TEC: variants seen among roughly 807,000 people sequenced by gnomAD.
TEC encodes the protein tyrosine-protein kinase Tec.
A neutral mutation model predicts 93.0 loss-of-function variants in TEC; 72 were observed. The observed-to-expected ratio is 0.77, with a 90% CI of 0.64 to 0.94. The LOEUF is 0.94. Ranked by LOEUF, TEC falls within the 40% of genes least tolerant of loss-of-function variation. The probability of loss-of-function intolerance (pLI) is 0.00; values close to 1 mark genes in which losing one functional copy is unlikely to be tolerated. For missense variants in TEC, 630 were observed against 757.9 expected (o/e 0.83, Z 1.98); for synonymous variants, 249 against 247.7 (o/e 1.01, Z -0.05).
At position 48,176,107 on chromosome 4, in the gene TEC, G is replaced by A; in HGVS notation, c.218C>T (p.Pro73Leu). Residue 73 changes from proline to leucine, a missense_variant, in exon 3 of 18, where the codon CCC becomes CTC. Around this residue, in one of 3 missense-constraint regions of TEC, gnomAD observed 335 missense variants for 351.5 expected, o/e 0.95. Coordinates refer to ENST00000381501, the MANE Select transcript of TEC (RefSeq NM_003215.3). ...EIVKNDDGVIPCQNKYPFQVV... is the reference protein window; with the variant it reads ...EIVKNDDGVILCQNKYPFQVV... ...CTGAAATGGATACTTATTTTGACAG[G>A]GAATGACACCATCATCATTCTTCAC... The A allele has an allele frequency of 6.2e-7, 1 of 1,613,346 alleles. No individual in the cohort carries two copies. The highest frequency in any genetic ancestry group is 8.5e-7 in the Non-Finnish European group (1 of 1,179,538).
chr4:48,226,551 CT>C (rs1560417168), intron 2 of TEC, among the ~76,000 whole-genome samples: 1 of 152,076 alleles, frequency 6.6e-6, no homozygotes, highest in Non-Finnish European at 1.5e-5. Flanking sequence ...TCTATTTTCT[CT>C]TTTTTATGAT....
intron 1 of TEC, among the ~76,000 whole-genome samples, chr4:48,239,981 AGT>A (rs5858109): frequency 0.4 from 59,820 of 149,336 alleles, 12,095 homozygotes; most frequent in African/African-American, 0.49. Context: ...TTGCTCTGTG[AGT>A]GTGTGTGTGT....
At chr4:48,235,112 AG>A (rs1723750539) in intron 1 of TEC, among the ~76,000 whole-genome samples, 1 of 152,114 alleles carries the variant, frequency 6.6e-6, no homozygotes, top group Non-Finnish European at 1.5e-5. Context: ...AAGTTACTTC[AG>A]GTTACTTTTT....
intron 2 of TEC, among the ~76,000 whole-genome samples, chr4:48,227,889 C>G (rs1723525822): frequency 6.6e-6 from 1 of 152,116 alleles, no homozygotes; most frequent in African/African-American, 2.4e-5. Flanking sequence ...GAAGCTAAAG[C>G]CACCCACAAG....
chr4:48,225,214 T>C (rs1245071236), intron 2 of TEC, among the ~76,000 whole-genome samples: 2 of 152,124 alleles, frequency 1.3e-5, no homozygotes, highest in African/African-American at 4.8e-5. Context: ...CTCGCTCTGT[T>C]ACCCAGGCTG....
chr4:48,250,292 G>A (rs1031829560), intron 1 of TEC, among the ~76,000 whole-genome samples: 9 of 152,146 alleles, frequency 5.9e-5, no homozygotes, highest in African/African-American at 2.2e-4. Flanking sequence ...TCATCAGCAT[G>A]TTCTTTGGAC....
At chr4:48,180,152 T>C (rs1577727685) in intron 2 of TEC, among the ~76,000 whole-genome samples, 1 of 152,284 alleles carries the variant, frequency 6.6e-6, no homozygotes, top group South Asian at 2.1e-4. Context: ...GCAAAAGTAA[T>C]TGTAATTTTT....
rs1435039912 is a variant in TEC, at chr4:48,241,137, A to G, written c.-45-12478T>C. Among the ~76,000 whole-genome samples the G allele has an allele frequency of 3.9e-5, 6 of 152,140 alleles. No individual in the cohort carries two copies. In the East Asian group the frequency reaches 1.2e-3, roughly 29 times the overall value. ...CCCATCTCTGAGGAAGTAAATTGATAATGAACTTTCCTGTTCTTTGCTCTA... is the reference window on the plus strand; with the variant it reads ...CCCATCTCTGAGGAAGTAAATTGATGATGAACTTTCCTGTTCTTTGCTCTA... On this transcript the variant is annotated intron_variant, in intron 1 of 17. Coordinates refer to ENST00000381501, the MANE Select transcript of TEC (RefSeq NM_003215.3).
chr4:48,250,495 T>C (rs1724171620), intron 1 of TEC, among the ~76,000 whole-genome samples: 1 of 152,216 alleles, frequency 6.6e-6, no homozygotes, highest in African/African-American at 2.4e-5. Context: ...TAACTTACTT[T>C]GACCAATGGG....
In TEC at chr4:48,141,377, C is replaced by T. The variant is rs769412539; in HGVS notation, c.1513G>A (p.Val505Ile). The stretch of plus-strand genomic sequence containing the variant: ...TACCTGGCCATTCCAAAATCAGATA[C>T]TTTTACAACTCCCGCCTCACTTACT... ...CLVSEAGVVK[V>I]SDFGMARYVL... is the part of the protein sequence containing the mutation. Residue 505 changes from valine (V) to isoleucine (I), a missense_variant, in exon 15 of 18, where the codon GTA becomes ATA. Val to Ile is a conservative substitution (Grantham distance 29). Coordinates refer to ENST00000381501, the MANE Select transcript of TEC (RefSeq NM_003215.3). 1.2e-6 allele frequency: 2 copies of T among 1,613,734 alleles called. No homozygotes were observed. Among genetic ancestry groups the T allele is most frequent in the African/African-American group, 1.3e-5 (1 of 74,918 alleles).
chr4:48,213,494 A>C (rs1439363958), intron 2 of TEC, among the ~76,000 whole-genome samples: 2 of 152,338 alleles, frequency 1.3e-5, no homozygotes, highest in East Asian at 3.9e-4. Flanking sequence ...ACTAAAAGGT[A>C]ATAACATCAG....
At chr4:48,209,362 G>A (rs1722817782) in intron 2 of TEC, among the ~76,000 whole-genome samples, 1 of 152,100 alleles carries the variant, frequency 6.6e-6, no homozygotes, top group Admixed American at 6.6e-5. Flanking sequence ...CCTCACTTTG[G>A]GAGGCTGAGG....
chr4:48,163,741 T>A lies in TEC; in HGVS notation c.698A>T (p.Tyr233Phe). Reference protein sequence around the residue: ...YGNEGYIPSNYVTGKKSNNLD... With the variant: ...YGNEGYIPSNFVTGKKSNNLD... ...GTTGTTTGATTTCTTTCCCGTTACGTAATTACTTGGGATATATCCTTCATT... is the reference window on the plus strand; with the variant it reads ...GTTGTTTGATTTCTTTCCCGTTACGAAATTACTTGGGATATATCCTTCATT... The change falls in exon 8 of 18, where the codon TAC becomes TTC. Residue 233 changes from tyrosine (Y) to phenylalanine (F), a missense_variant. Tyr to Phe is a conservative substitution (Grantham distance 22, BLOSUM62 3). Around this residue, in one of 3 missense-constraint regions of TEC, gnomAD observed 335 missense variants for 351.5 expected, o/e 0.95. Transcript: ENST00000381501. 1 of 1,505,044 alleles carries A rather than the reference T, an allele frequency of 6.6e-7. No individual in the cohort carries two copies. The highest frequency in any genetic ancestry group is 9.1e-7 in the Non-Finnish European group (1 of 1,104,804). The allele number at this position is 1,505,044 out of a possible 1,614,324, so 93.2% of individuals were successfully genotyped here.
In TEC at chr4:48,198,231, G is replaced by A. The variant is rs192645500; in HGVS notation, c.139-22045C>T. Reference sequence around the variant, plus strand: ...GGGAATATCAAGTCAGGCTCCCGGCGCCAGGGCGATGGTCAGGCAGGTGTA... The same window carrying A: ...GGGAATATCAAGTCAGGCTCCCGGCACCAGGGCGATGGTCAGGCAGGTGTA... On this transcript the variant is annotated intron_variant, in intron 2 of 17. Coordinates refer to ENST00000381501, the MANE Select transcript of TEC (RefSeq NM_003215.3). Among the ~76,000 whole-genome samples, 42 of 152,322 alleles carry A rather than the reference G, an allele frequency of 2.8e-4. No individual in the cohort carries two copies. The South Asian group carries it at 4.8e-3, about 17-fold the overall frequency.
chr4:48,150,903 G>A lies in TEC; in HGVS notation c.832C>T (p.Pro278Ser), dbSNP rs1443645002. The A allele has an allele frequency of 6.3e-7, 1 of 1,588,418 alleles. No homozygotes were observed. The highest frequency in any genetic ancestry group is 8.6e-7 in the Non-Finnish European group (1 of 1,168,688). ...GGFMVRDSSQ[P>S]GLYTVSLYTK... ...TAAAGGGAGACTGTGTACAAGCCTGGTTGACTGGAATCCCTTACCATAAAA... is the reference window on the plus strand; with the variant it reads ...TAAAGGGAGACTGTGTACAAGCCTGATTGACTGGAATCCCTTACCATAAAA... The change falls in exon 10 of 18, where the codon CCA (proline) becomes TCA (serine). Residue 278 changes from proline to serine, a missense_variant. Transcript: ENST00000381501.
chr4:48,262,065 A>T (rs114491684), intron 1 of TEC, among the ~76,000 whole-genome samples: 4,743 of 152,250 alleles, frequency 0.031, 111 homozygotes, highest in Non-Finnish European at 0.044. Flanking sequence ...AATACAAGAA[A>T]CAATACACTT....
Position 48,170,285 on chromosome 4 carries a change from T to C in TEC, c.417A>G (p.Leu139=). The change falls in exon 5 of 18, where the codon TTA becomes TTG. Residue 139 remains leucine, a synonymous_variant. Transcript: ENST00000381501. ...GATTGTATTTTTCACATCCGGGTGCTAATTTTTCAGTTTGTCTACAACACT... is the reference window on the plus strand; with the variant it reads ...GATTGTATTTTTCACATCCGGGTGCCAATTTTTCAGTTTGTCTACAACACT... The part of the protein sequence containing the change: ...SYQCCRQTEK[L]APGCEKYNLF... 1 of 1,594,046 alleles carries C rather than the reference T, an allele frequency of 6.3e-7. No homozygotes were observed. The highest frequency in any genetic ancestry group is 8.6e-7 in the Non-Finnish European group (1 of 1,163,286).
Position 48,258,144 on chromosome 4 carries a change from G to GTT in TEC, c.-46+11607_-46+11608insAA, listed in dbSNP as rs1393335799. Among the ~76,000 whole-genome samples the GTT allele has an allele frequency of 3.6e-4, 35 of 97,912 alleles. No individual in the cohort carries two copies. In the South Asian group the frequency reaches 4.3e-3, roughly 12 times the overall value. The allele number at this position is 97,912 out of a possible 152,430, so 64.2% of individuals were successfully genotyped here. ...TTTTATCTGAATGCATTGTTTTTTT[G>GTT]GTTTTTTTTTTTTTTGAGAAGGAAT... On this transcript the variant is annotated intron_variant, in intron 1 of 17. Transcript: ENST00000381501.
intron 2 of TEC, among the ~76,000 whole-genome samples, chr4:48,217,884 T>A (rs893115123): frequency 6.6e-6 from 1 of 151,492 alleles, no homozygotes; most frequent in Non-Finnish European, 1.5e-5. Context: ...TAAAAAAGAA[T>A]GTCTAGGGGT....
Sources: gnomAD v4.1 joint callset for allele counts (sites outside exome capture counted in the v4.1 genomes callset) on GRCh38, gnomAD v4.1.1 for gene constraint, gnomAD v4.1.1 regional missense constraint, MANE v1.5 for transcripts, NCBI Gene and HGNC (gene_info 2026-07-23, HGNC 2026-07-21) for gene names.